The following ST7 variants were observed in gnomAD, a reference collection of about 807,000 sequenced individuals.
ST7 encodes suppressor of tumorigenicity 7 protein.
Under a neutral mutation model 78.7 loss-of-function variants are expected in ST7, and 28 were observed. The ratio of observed to expected loss-of-function variants is 0.36; its 90% confidence interval spans 0.26 to 0.49. The LOEUF (loss-of-function observed/expected upper bound fraction) is 0.49, where lower values mean the gene tolerates loss of function less well. Ranked by LOEUF, ST7 falls within the 20% of genes least tolerant of loss-of-function variation. ST7 has a pLI of 0.99. For synonymous variants in ST7, 247 were observed against 249.6 expected, an observed-to-expected ratio of 0.99 and a Z score of 0.10; for missense variants, 418 against 696.0, an observed-to-expected ratio of 0.60 and a Z score of 4.49.
intron 9 of ST7, among the ~76,000 whole-genome samples, chr7:117,160,494 T>G (rs148099701): frequency 1.9e-4 from 29 of 152,114 alleles, no homozygotes; most frequent in African/African-American, 7.0e-4. Context: ...AAAGTGGTGC[T>G]GCTCTTGACT....
chr7:117,225,097 G>A (rs1169927945), intron 15 of ST7, among the ~76,000 whole-genome samples: 3 of 152,166 alleles, frequency 2.0e-5, no homozygotes, highest in Non-Finnish European at 1.5e-5. Context: ...AACCAGCAAG[G>A]GGATTGGCAA....
chr7:117,108,379 T>A (rs1313347738), intron 2 of ST7, among the ~76,000 whole-genome samples: 1 of 152,202 alleles, frequency 6.6e-6, no homozygotes, highest in Non-Finnish European at 1.5e-5. Flanking sequence ...TTGCTGTGCT[T>A]TGTCCAAGAT....
intron 1 of ST7, among the ~76,000 whole-genome samples, chr7:117,033,907 G>T: frequency 6.6e-6 from 1 of 152,056 alleles, no homozygotes; most frequent in South Asian, 2.1e-4. Context: ...CTGTGTCATG[G>T]AGCTGCTATG....
chr7:117,026,603 T>C lies in ST7; in HGVS notation c.151+72912T>C, dbSNP rs575923115. On this transcript the variant is annotated intron_variant, in intron 1 of 15. Coordinates refer to ENST00000323984, the MANE Select transcript of ST7 (RefSeq NM_001369598.1). ...GAAATGGCAGCAACCACATGCCAGATGCAGCAACTAATTGCAGAGACTCTG... is the reference window on the plus strand; with the variant it reads ...GAAATGGCAGCAACCACATGCCAGACGCAGCAACTAATTGCAGAGACTCTG... 5.3e-5 allele frequency among the ~76,000 whole-genome samples: 8 copies of C among 152,366 alleles called. No individual in the cohort carries two copies. In the East Asian group the frequency reaches 9.6e-4, roughly 18 times the overall value.
chr7:116,979,660 T>C (rs920563153), intron 1 of ST7, among the ~76,000 whole-genome samples: 1 of 152,222 alleles, frequency 6.6e-6, no homozygotes, highest in Admixed American at 6.5e-5. Flanking sequence ...TCAACACTTA[T>C]AATCTTATTA....
At chr7:117,121,856 C>G (rs1298864848) in intron 3 of ST7, among the ~76,000 whole-genome samples, 3 of 146,648 alleles carry the variant, frequency 2.0e-5, no homozygotes, top group African/African-American at 7.4e-5. Context: ...GACAAAGAGA[C>G]TGAGCTAGGA....
At chr7:117,075,133 G>T (rs1156679164) in intron 1 of ST7, among the ~76,000 whole-genome samples, 2 of 151,908 alleles carry the variant, frequency 1.3e-5, no homozygotes, top group African/African-American at 4.8e-5. Flanking sequence ...TTTTTGTGAG[G>T]AATAAAGATG....
In ST7 at chr7:117,183,713, G is replaced by A. The variant is rs928620597; in HGVS notation, c.1079-5608G>A. 7.2e-5 allele frequency among the ~76,000 whole-genome samples: 11 copies of A among 152,308 alleles called. No homozygotes were observed. The East Asian group carries it at 1.9e-3, about 27-fold the overall frequency. Reference sequence around the variant, plus strand: ...ACACTGTCTAACAGTTTCCAATAAAGTTAAACAGACATCTATCTTCAGATC... The same window carrying A: ...ACACTGTCTAACAGTTTCCAATAAAATTAAACAGACATCTATCTTCAGATC... On this transcript the variant is annotated intron_variant, in intron 10 of 15. Coordinates refer to ENST00000323984, the MANE Select transcript of ST7 (RefSeq NM_001369598.1).
intron 1 of ST7, among the ~76,000 whole-genome samples, chr7:117,057,876 A>T (rs910262903): frequency 6.6e-6 from 1 of 151,948 alleles, no homozygotes; most frequent in Admixed American, 6.6e-5. Context: ...ATCCCTTTCT[A>T]TTTTTTTCAG....
intron 1 of ST7, among the ~76,000 whole-genome samples, chr7:116,978,052 G>A (rs1793784168): frequency 6.6e-6 from 1 of 152,116 alleles, no homozygotes; most frequent in Non-Finnish European, 1.5e-5. Flanking sequence ...GGTCAGTGGA[G>A]CTTTTACCAT....
chr7:117,040,963 T>C (rs1342312426), intron 1 of ST7, among the ~76,000 whole-genome samples: 2 of 152,226 alleles, frequency 1.3e-5, no homozygotes, highest in Admixed American at 1.3e-4. Context: ...TCTTCTTCCC[T>C]ACTTCCTTCA....
chr7:117,215,798 G>A (rs568358923), intron 13 of ST7, among the ~76,000 whole-genome samples: 52 of 152,292 alleles, frequency 3.4e-4, no homozygotes, highest in Non-Finnish European at 5.9e-4. Flanking sequence ...TGAGGGCAGG[G>A]GCAGTGTGTG....
chr7:117,012,590 T>C (rs1795433084), intron 1 of ST7, among the ~76,000 whole-genome samples: 1 of 151,556 alleles, frequency 6.6e-6, no homozygotes, highest in Non-Finnish European at 1.5e-5. Context: ...TTTGTCAATT[T>C]ATAAGTAAAC....
In ST7 at chr7:117,209,671, G is replaced by C. The variant is rs17139460; in HGVS notation, c.1255-116G>C. On this transcript the variant is annotated intron_variant, in intron 12 of 15. Coordinates refer to ENST00000323984, the MANE Select transcript of ST7 (RefSeq NM_001369598.1). ...CTTCAAATGTAGTAATGAGGTTGCA[G>C]GTTTAATGAAATGCTTATAAGTGGT... 13,123 of 1,211,946 alleles carry C rather than the reference G, an allele frequency of 0.011. 1,108 individuals carry two copies. The African/African-American group carries it at 0.18, about 17-fold the overall frequency. 75.1% of individuals were successfully genotyped at this position (1,211,946 alleles called of 1,614,324 possible). A position where few individuals can be genotyped will look rare whatever the true frequency, so the allele number is the denominator to read the frequency against.
At chr7:116,965,644 A>G (rs935356187) in intron 1 of ST7, among the ~76,000 whole-genome samples, 1 of 152,186 alleles carries the variant, frequency 6.6e-6, no homozygotes, top group African/African-American at 2.4e-5. Context: ...TTATCTATAG[A>G]AAATAATGTA....
chr7:117,078,498 A>AT, intron 1 of ST7, among the ~76,000 whole-genome samples: 2 of 152,312 alleles, frequency 1.3e-5, no homozygotes, highest in Admixed American at 1.3e-4. Flanking sequence ...TTCTAATGTA[A>AT]TTATTATGCT....
At chr7:117,204,579 T>C (rs1452918657) in intron 12 of ST7, among the ~76,000 whole-genome samples, 1 of 152,190 alleles carries the variant, frequency 6.6e-6, no homozygotes, top group Non-Finnish European at 1.5e-5. Flanking sequence ...AGTGTTTTTT[T>C]TGTCCTGTGC....
intron 1 of ST7, among the ~76,000 whole-genome samples, chr7:117,012,032 G>T (rs905666505): frequency 1.8e-4 from 27 of 152,212 alleles, no homozygotes; most frequent in African/African-American, 5.3e-4. Flanking sequence ...GTGTGCCTTG[G>T]GTAGGACAGG....
At chr7:117,044,554 T>C (rs561868804) in intron 1 of ST7, among the ~76,000 whole-genome samples, 2 of 152,252 alleles carry the variant, frequency 1.3e-5, no homozygotes, top group East Asian at 3.9e-4. Context: ...TTTCACCATA[T>C]TGTCCAGGCT....
Sources: allele counts gnomAD v4.1 joint callset (sites outside exome capture counted in the v4.1 genomes callset), GRCh38; gene constraint gnomAD v4.1.1; transcripts MANE v1.5; gene names NCBI Gene and HGNC (gene_info 2026-07-23, HGNC 2026-07-21).